MFF: variants seen among roughly 807,000 people sequenced by gnomAD.
MFF encodes the protein chromosome 2 open reading frame 33.
A neutral mutation model predicts 36.9 loss-of-function variants in MFF; 12 were observed. The observed-to-expected ratio is 0.33, with a 90% CI of 0.21 to 0.53. The LOEUF is 0.53. Ranked by LOEUF, MFF falls within the 20% of genes least tolerant of loss-of-function variation. MFF has a pLI of 0.95. For synonymous variants in MFF, 99 were observed against 126.2 expected, an observed-to-expected ratio of 0.78 and a Z score of 1.44; for missense variants, 348 against 366.6, an observed-to-expected ratio of 0.95 and a Z score of 0.42.
rs2074455899 is a variant in MFF, at chr2:227,329,977, C to T, written c.-40-649C>T. 6 of 386,804 alleles carry T rather than the reference C, an allele frequency of 1.6e-5. No individual in the cohort carries two copies. In the Admixed American group the frequency reaches 2.8e-4, roughly 18 times the overall value. The allele number at this position is 386,804 out of a possible 1,614,324, so 24.0% of individuals were successfully genotyped here. A position where few individuals can be genotyped will look rare whatever the true frequency, so the allele number is the denominator to read the frequency against. ...TTAAATACAGATTAATAGTGTAAAA[C>T]TTTCAGTCCCTCCAAAAATGAATAC... On this transcript the variant is annotated intron_variant, in intron 2 of 8. Transcript: ENST00000304593.
intron 1 of MFF, among the ~76,000 whole-genome samples, chr2:227,326,195 T>G (rs1466635193): frequency 6.7e-6 from 1 of 148,810 alleles, no homozygotes; most frequent in Non-Finnish European, 1.5e-5. Context: ...CTTTCAAAAG[T>G]GACATGTTTT....
intron 4 of MFF, among the ~76,000 whole-genome samples, chr2:227,337,060 C>T (rs1195037927): frequency 6.6e-6 from 1 of 152,150 alleles, no homozygotes; most frequent in African/African-American, 2.4e-5. Context: ...GGAGCTGGGA[C>T]TGCAATGAGC....
chr2:227,336,405 A>G (rs1190465561), intron 4 of MFF, among the ~76,000 whole-genome samples: 2 of 152,266 alleles, frequency 1.3e-5, no homozygotes, highest in Non-Finnish European at 2.9e-5. Flanking sequence ...ATTCATTTCT[A>G]TAATAAATCT....
intron 5 of MFF, among the ~76,000 whole-genome samples, chr2:227,341,060 G>A (rs142201364): frequency 9.8e-4 from 149 of 152,254 alleles, no homozygotes; most frequent in Admixed American, 2.9e-3. Flanking sequence ...CAAGTATCAT[G>A]TAAGCGTCTG....
chr2:227,349,014 A>AT (rs1473715104), intron 6 of MFF, among the ~76,000 whole-genome samples: 4 of 152,158 alleles, frequency 2.6e-5, no homozygotes, highest in African/African-American at 7.2e-5. Context: ...TTTAATTACA[A>AT]TAAGTCCTTA....
At chr2:227,326,885 C>T (rs564466984) in intron 1 of MFF, among the ~76,000 whole-genome samples, 27 of 152,132 alleles carry the variant, frequency 1.8e-4, no homozygotes, top group Admixed American at 1.7e-3. Context: ...TCGGTGACTT[C>T]CGAGGCTTTC....
intron 4 of MFF, among the ~76,000 whole-genome samples, chr2:227,338,525 T>G: frequency 6.6e-6 from 1 of 151,966 alleles, no homozygotes; most frequent in African/African-American, 2.4e-5. Context: ...ACTATAAAGT[T>G]TAATTTTTTA....
At chr2:227,329,827 G>A in intron 2 of MFF, 2 of 1,415,874 alleles carry the variant, frequency 1.4e-6, no homozygotes, top group Non-Finnish European at 2.0e-6. Flanking sequence ...ATAGGTTTGA[G>A]AGACAATGGC....
At chr2:227,355,583 A>G (rs2076215931) in intron 7 of MFF, 94 bp from the exon 8 acceptor site, 3 of 623,384 alleles carry the variant, frequency 4.8e-6, no homozygotes, top group Non-Finnish European at 8.6e-6. Flanking sequence ...TTTTCTGAAT[A>G]CTACTTTGAG....
chr2:227,329,804 T>C lies in MFF; in HGVS notation c.-40-822T>C, dbSNP rs778558760. ...GGAAGGTCAGTGAAATTTTATTCAG[T>C]TGAGCTGGTATTATAGGTTTGAGAG... On this transcript the variant is annotated intron_variant, in intron 2 of 8. Transcript: ENST00000304593. 8.1e-6 allele frequency: 12 copies of C among 1,472,530 alleles called. No homozygotes were observed. In the East Asian group the frequency reaches 2.1e-4, roughly 25 times the overall value. 91.2% of individuals were successfully genotyped at this position (1,472,530 alleles called of 1,614,324 possible).
rs559349546 is a variant in MFF at position 227,352,226 on chromosome 2, ATAAAG to A, written c.600-282_600-278del. Reference sequence around the variant, plus strand: ...AGAGTTGTCCTCTGTCTTAAATTTCATAAAGTAAAGCACCAAGAAAATTATTTTAT... The same window carrying A: ...AGAGTTGTCCTCTGTCTTAAATTTCATAAAGCACCAAGAAAATTATTTTAT... On this transcript the variant is annotated intron_variant, in intron 6 of 8. Coordinates refer to ENST00000304593, the MANE Select transcript of MFF (RefSeq NM_001277062.2). The A allele has an allele frequency of 2.1e-3, 613 of 292,440 alleles. 1 individual carries two copies. The highest frequency in any genetic ancestry group is 3.2e-3 in the Non-Finnish European group (494 of 156,450). The allele number at this position is 292,440 out of a possible 1,614,324, so 18.1% of individuals were successfully genotyped here. A position where few individuals can be genotyped will look rare whatever the true frequency, so the allele number is the denominator to read the frequency against.
chr2:227,337,047 A>G (rs1265743731), intron 4 of MFF, among the ~76,000 whole-genome samples: 1 of 152,238 alleles, frequency 6.6e-6, no homozygotes, highest in Non-Finnish European at 1.5e-5. Flanking sequence ...ACTTCTGGAA[A>G]GAGGAGCTGG....
intron 4 of MFF, among the ~76,000 whole-genome samples, chr2:227,336,994 A>G (rs1399220748): frequency 6.6e-6 from 1 of 152,234 alleles, no homozygotes; most frequent in Non-Finnish European, 1.5e-5. Context: ...GGGTCTGATC[A>G]CACTTTGGTG....
intron 8 of MFF, 119 bp downstream of exon 8, chr2:227,355,880 C>G: frequency 1.6e-6 from 1 of 617,496 alleles, no homozygotes; most frequent in Non-Finnish European, 2.9e-6. Flanking sequence ...AGTAAGCCAT[C>G]ATTGATTTTC....
chr2:227,342,478 T>C (rs2075449596), intron 5 of MFF, among the ~76,000 whole-genome samples: 1 of 152,194 alleles, frequency 6.6e-6, no homozygotes, highest in African/African-American at 2.4e-5. Context: ...TTTAGTGTTT[T>C]CTTTGTAACA....
chr2:227,357,336 C>A lies in MFF; in HGVS notation c.*219C>A. ...ACGTCTGAGCAGTTCTGCAGTAACA[C>A]CTGCTTAAAATTCTCCCTTTGCATG... On this transcript the variant is annotated 3_prime_UTR_variant, in exon 9 of 9. Transcript: ENST00000304593. 1 of 388,838 alleles carries A rather than the reference C, an allele frequency of 2.6e-6. No homozygotes were observed. The highest frequency in any genetic ancestry group is 2.0e-5 in the African/African-American group (1 of 50,412). The allele number at this position is 388,838 out of a possible 1,614,324, so 24.1% of individuals were successfully genotyped here.
chr2:227,345,663 A>C (rs2075668763), intron 5 of MFF, among the ~76,000 whole-genome samples: 1 of 152,094 alleles, frequency 6.6e-6, no homozygotes, highest in African/African-American at 2.4e-5. Flanking sequence ...GTTTTGTTTC[A>C]CAAATAGGAT....
chr2:227,340,536 G>A (rs1370819744), intron 5 of MFF, 156 bp downstream of exon 5: 4 of 608,974 alleles, frequency 6.6e-6, no homozygotes. Flanking sequence ...TTAAAATCTG[G>A]CCATTTTGTT....
rs569591029 is a variant in MFF at position 227,350,308 on chromosome 2, G to A, written c.600-2206G>A. Among the ~76,000 whole-genome samples the A allele has an allele frequency of 8.5e-5, 13 of 152,174 alleles. 1 individual carries two copies. In the South Asian group the frequency reaches 2.7e-3, roughly 32 times the overall value. On this transcript the variant is annotated intron_variant, in intron 6 of 8. Transcript: ENST00000304593. Reference sequence around the variant, plus strand: ...GGTTAGAAAATGCCGGTCTCTCCCTGTATCTGTTAGAGCTATGTATCTCAT... The same window carrying A: ...GGTTAGAAAATGCCGGTCTCTCCCTATATCTGTTAGAGCTATGTATCTCAT...
Sources: gnomAD v4.1 joint callset for allele counts (sites outside exome capture counted in the v4.1 genomes callset) on GRCh38, gnomAD v4.1.1 for gene constraint, MANE v1.5 for transcripts, NCBI Gene and HGNC (gene_info 2026-07-23, HGNC 2026-07-21) for gene names.